Variants in CADPS2 observed in about 807,000 individuals in gnomAD.
CADPS2 encodes calcium dependent secretion activator 2.
Under a neutral mutation model 172.5 loss-of-function variants are expected in CADPS2, and 93 were observed. The ratio of observed to expected loss-of-function variants is 0.54; its 90% confidence interval spans 0.46 to 0.64. The LOEUF is 0.64. Ranked by LOEUF, CADPS2 falls within the 30% of genes least tolerant of loss-of-function variation. CADPS2 has a pLI of 0.00. For missense variants in CADPS2, 1,420 were observed against 1,565.9 expected, an observed-to-expected ratio of 0.91 and a Z score of 1.57; for synonymous variants, 546 against 555.2, an observed-to-expected ratio of 0.98 and a Z score of 0.23.
chr7:122,820,637 G>A (rs1376641304), intron 1 of CADPS2, among the ~76,000 whole-genome samples: 4 of 119,348 alleles, frequency 3.4e-5, no homozygotes, highest in African/African-American at 1.0e-4. Context: ...TCGGCTCACT[G>A]CAAGCTCCGC....
At chr7:122,474,945 G>A (rs182116615) in intron 12 of CADPS2, among the ~76,000 whole-genome samples, 6 of 152,288 alleles carry the variant, frequency 3.9e-5, no homozygotes, top group Admixed American at 3.3e-4. Context: ...ACATGCTTCA[G>A]CTGGATCACT....
At chr7:122,847,079 C>T (rs1812184212) in intron 1 of CADPS2, among the ~76,000 whole-genome samples, 1 of 152,142 alleles carries the variant, frequency 6.6e-6, no homozygotes. Context: ...TTATTCTTCA[C>T]ATTCATACCT....
At chr7:122,703,281 T>C (rs1464519003) in intron 2 of CADPS2, among the ~76,000 whole-genome samples, 1 of 152,162 alleles carries the variant, frequency 6.6e-6, no homozygotes, top group Non-Finnish European at 1.5e-5. Context: ...TGCATGTACC[T>C]GGGCCAGTTG....
intron 3 of CADPS2, among the ~76,000 whole-genome samples, chr7:122,640,633 T>TA (rs755654004): frequency 1.0e-3 from 157 of 150,900 alleles, no homozygotes; most frequent in Non-Finnish European, 1.4e-3. Context: ...AAAATAAAAA[T>TA]AAAAAAAAAT....
At chr7:122,873,195 T>A (rs1820250526) in intron 1 of CADPS2, among the ~76,000 whole-genome samples, 1 of 152,174 alleles carries the variant, frequency 6.6e-6, no homozygotes, top group Non-Finnish European at 1.5e-5. Context: ...AAAATTTTTT[T>A]AATATTTTAA....
At chr7:122,531,814 C>G (rs1404477228) in intron 8 of CADPS2, among the ~76,000 whole-genome samples, 1 of 152,006 alleles carries the variant, frequency 6.6e-6, no homozygotes, top group East Asian at 1.9e-4. Flanking sequence ...AGGCAGATCA[C>G]AAGGTCAGGA....
chr7:122,674,344 C>T (rs2135640659), intron 2 of CADPS2, among the ~76,000 whole-genome samples: 1 of 152,278 alleles, frequency 6.6e-6, no homozygotes, highest in East Asian at 1.9e-4. Flanking sequence ...TGAGGAGGCA[C>T]CAAGAGCGAG....
intron 3 of CADPS2, among the ~76,000 whole-genome samples, chr7:122,660,599 C>G (rs1255333866): frequency 9.0e-6 from 1 of 110,872 alleles, no homozygotes; most frequent in Non-Finnish European, 1.9e-5. Flanking sequence ...GATGATCAGT[C>G]TGGATTTAAA....
chr7:122,539,811 GTCTT>G (rs1217644571), intron 8 of CADPS2, among the ~76,000 whole-genome samples: 4 of 146,808 alleles, frequency 2.7e-5, no homozygotes, highest in African/African-American at 2.4e-5. Flanking sequence ...GTCCATCTCT[GTCTT>G]TCTGTCTCTC....
chr7:122,601,692 A>T (rs557341368), intron 6 of CADPS2, among the ~76,000 whole-genome samples: 5 of 151,940 alleles, frequency 3.3e-5, no homozygotes, highest in African/African-American at 9.7e-5. Flanking sequence ...TGCAAAAAAA[A>T]CCCCCAAATC....
intron 2 of CADPS2, among the ~76,000 whole-genome samples, chr7:122,720,558 ATG>A (rs1344815004): frequency 4.6e-5 from 7 of 151,532 alleles, no homozygotes; most frequent in Admixed American, 2.0e-4. Flanking sequence ...GTATATATGC[ATG>A]TGTCTGTATA....
At chr7:122,494,262 A>G (rs560383955) in intron 9 of CADPS2, among the ~76,000 whole-genome samples, 1 of 152,330 alleles carries the variant, frequency 6.6e-6, no homozygotes, top group African/African-American at 2.4e-5. Context: ...CAAAAGGCTG[A>G]CTATTTTTTA....
In CADPS2 at chr7:122,474,373, G is replaced by C. The variant is rs766849424; in HGVS notation, c.1998+8C>G. 1 of 1,612,844 alleles carries C rather than the reference G, an allele frequency of 6.2e-7. No homozygotes were observed. The highest frequency in any genetic ancestry group is 1.1e-5 in the South Asian group (1 of 91,034). The stretch of plus-strand genomic sequence containing the variant: ...AACTTATAGGGGACTAGATAGACTT[G>C]TACTCACCAAGCAAGAATAGGAATC... On this transcript the variant is annotated splice_region_variant and intron_variant, in intron 13 of 29. Coordinates refer to ENST00000449022, the MANE Select transcript of CADPS2 (RefSeq NM_017954.11).
At chr7:122,446,979 G>A (rs1363102487) in intron 15 of CADPS2, among the ~76,000 whole-genome samples, 2 of 150,342 alleles carry the variant, frequency 1.3e-5, no homozygotes, top group Non-Finnish European at 3.0e-5. Context: ...GTTTTGGGTG[G>A]GAGGCTAAAT....
At chr7:122,544,945 T>G (rs2063473847) in intron 8 of CADPS2, among the ~76,000 whole-genome samples, 2 of 152,108 alleles carry the variant, frequency 1.3e-5, no homozygotes, top group African/African-American at 4.8e-5. Flanking sequence ...AATCAAAAAT[T>G]TTACTAAGTA....
chr7:122,709,984 C>T (rs2088420797), intron 2 of CADPS2, among the ~76,000 whole-genome samples: 1 of 150,470 alleles, frequency 6.6e-6, no homozygotes, highest in South Asian at 2.1e-4. Context: ...GTGCAGCACA[C>T]CAGCATGGCA....
intron 2 of CADPS2, among the ~76,000 whole-genome samples, chr7:122,729,070 A>G (rs180888611): frequency 1.7e-4 from 26 of 151,838 alleles, no homozygotes; most frequent in African/African-American, 6.0e-4. Flanking sequence ...TGCTACCTCC[A>G]TGTGATCAAC....
At chr7:122,425,340 C>T (rs2049022166) in intron 17 of CADPS2, among the ~76,000 whole-genome samples, 1 of 147,924 alleles carries the variant, frequency 6.8e-6, no homozygotes, top group African/African-American at 2.5e-5. Flanking sequence ...GTAATCCCTG[C>T]ACATTGGGAG....
chr7:122,809,966 A>C (rs1370993819), intron 1 of CADPS2, among the ~76,000 whole-genome samples: 2 of 152,192 alleles, frequency 1.3e-5, no homozygotes, highest in African/African-American at 2.4e-5. Context: ...ACACATATGC[A>C]CACATGTTCT....
Sources: allele counts gnomAD v4.1 joint callset (sites outside exome capture counted in the v4.1 genomes callset), GRCh38; gene constraint gnomAD v4.1.1; transcripts MANE v1.5; gene names NCBI Gene and HGNC (gene_info 2026-07-23, HGNC 2026-07-21).